PLCB4: variants seen among roughly 807,000 people sequenced by gnomAD.
PLCB4 encodes the protein 1-phosphatidylinositol 4,5-bisphosphate phosphodiesterase beta-4.
PLCB4 carries 77 observed loss-of-function variants against 178.8 expected under a neutral mutation model. That is an observed-to-expected ratio of 0.43 (90% CI 0.36 to 0.52). PLCB4 has a LOEUF of 0.52. Ranked by LOEUF, PLCB4 falls within the 20% of genes least tolerant of loss-of-function variation. The probability of loss-of-function intolerance (pLI) is 0.00; values close to 1 mark genes in which losing one functional copy is unlikely to be tolerated. For synonymous variants in PLCB4, 496 were observed against 490.8 expected (o/e 1.01, Z -0.14); for missense variants, 1,024 against 1,453.4 (o/e 0.70, Z 4.80).
chr20:9,425,055 A>G (rs2040903975), intron 28 of PLCB4, among the ~76,000 whole-genome samples: 1 of 152,114 alleles, frequency 6.6e-6, no homozygotes, highest in Non-Finnish European at 1.5e-5. Context: ...CTTTCATAAA[A>G]AAAAAAAAGG....
intron 30 of PLCB4, among the ~76,000 whole-genome samples, chr20:9,441,694 C>A (rs2042113577): frequency 6.6e-6 from 1 of 152,192 alleles, no homozygotes; most frequent in South Asian, 2.1e-4. Flanking sequence ...TGACTCCTGT[C>A]AGCCTTTTCT....
chr20:9,150,180 T>A (rs1455942211), intron 2 of PLCB4, among the ~76,000 whole-genome samples: 1 of 152,206 alleles, frequency 6.6e-6, no homozygotes, highest in Non-Finnish European at 1.5e-5. Context: ...AATACAGTGA[T>A]TAAACCATAA....
chr20:9,092,404 C>G (rs2090723735), intron 1 of PLCB4, among the ~76,000 whole-genome samples: 1 of 151,896 alleles, frequency 6.6e-6, no homozygotes, highest in Admixed American at 6.6e-5. Flanking sequence ...TGTTGGTGAG[C>G]CTGTTGGGTG....
chr20:9,083,678 G>A (rs116682454), intron 1 of PLCB4, among the ~76,000 whole-genome samples: 3,948 of 152,130 alleles, frequency 0.026, 165 homozygotes, highest in African/African-American at 0.089. Context: ...ACTTACTGAG[G>A]GTCACATGGT....
At chr20:9,298,511 A>G (rs1241266545) in intron 3 of PLCB4, among the ~76,000 whole-genome samples, 1 of 152,112 alleles carries the variant, frequency 6.6e-6, no homozygotes, top group Admixed American at 6.6e-5. Flanking sequence ...CCAGGCAACT[A>G]AGCATATTTT....
At chr20:9,158,091 G>A (rs1474165015) in intron 2 of PLCB4, among the ~76,000 whole-genome samples, 2 of 152,172 alleles carry the variant, frequency 1.3e-5, no homozygotes, top group Non-Finnish European at 2.9e-5. Flanking sequence ...AGGATTCTAA[G>A]TAATTTGCCC....
rs2094334628 is a variant in PLCB4 at position 9,264,977 on chromosome 20, A to G, written c.-15-42823A>G. Among the ~76,000 whole-genome samples, 6 of 152,198 alleles carry G rather than the reference A, an allele frequency of 3.9e-5. No individual in the cohort carries two copies. The South Asian group carries it at 1.2e-3, about 32-fold the overall frequency. ...TTTTCCCAGATGCCATCCCAAGACA[A>G]CAAATTCATTAGTTTTGGGGCAACT... On this transcript the variant is annotated intron_variant, in intron 3 of 39. Coordinates refer to ENST00000378473, the MANE Select transcript of PLCB4 (RefSeq NM_001377142.1).
chr20:9,138,707 A>G (rs77973263), intron 2 of PLCB4, among the ~76,000 whole-genome samples: 4,173 of 152,210 alleles, frequency 0.027, 186 homozygotes, highest in African/African-American at 0.094. Context: ...GTTTAGCAGA[A>G]CATATCTGGA....
chr20:9,478,930 A>G lies in PLCB4; in HGVS notation c.3542A>G (p.Asp1181Gly). ...HAVSQTQGEG[D>G]AADGEIGSRD... ...GTTTCTGATGTTATAGGCGAAGGAG[A>G]TGCAGCAGATGGTGAAATTGGAAGC... Residue 1181 changes from aspartate to glycine, a missense_variant, in exon 40 of 40, where the codon GAT becomes GGT. Asp to Gly is a moderately conservative substitution (Grantham distance 94). Transcript: ENST00000378473. 2 of 1,613,158 alleles carry G rather than the reference A, an allele frequency of 1.2e-6. No individual in the cohort carries two copies. Among genetic ancestry groups the G allele is most frequent in the Non-Finnish European group, 1.7e-6 (2 of 1,179,220 alleles).
intron 2 of PLCB4, among the ~76,000 whole-genome samples, chr20:9,200,184 A>G (rs2093525169): frequency 6.6e-6 from 1 of 151,618 alleles, no homozygotes; most frequent in African/African-American, 2.4e-5. Context: ...TAGCTTCTTA[A>G]AGATTCATGT....
chr20:9,146,203 G>A (rs1457483229), intron 2 of PLCB4, among the ~76,000 whole-genome samples: 6 of 152,042 alleles, frequency 3.9e-5, no homozygotes, highest in East Asian at 1.9e-4. Flanking sequence ...GAATTGTTTC[G>A]GTGGGGGTGC....
chr20:9,175,709 A>G (rs528687417), intron 2 of PLCB4, among the ~76,000 whole-genome samples: 3 of 151,612 alleles, frequency 2.0e-5, no homozygotes, highest in Non-Finnish European at 4.4e-5. Flanking sequence ...AAAAAACTCT[A>G]CTCCCTCCCC....
At chr20:9,192,607 C>A (rs188037857) in intron 2 of PLCB4, among the ~76,000 whole-genome samples, 352 of 145,802 alleles carry the variant, frequency 2.4e-3, no homozygotes, top group African/African-American at 8.7e-3. Flanking sequence ...TTCACTGTAG[C>A]CTCGTCCTCC....
At position 9,459,730 on chromosome 20, in the gene PLCB4, C is replaced by T. The variant is rs1013832082; in HGVS notation, c.3168C>T (p.Ser1056=). 1.9e-6 allele frequency: 3 copies of T among 1,611,364 alleles called. No homozygotes were observed. Among genetic ancestry groups the T allele is most frequent in the Non-Finnish European group, 2.5e-6 (3 of 1,177,666 alleles). The stretch of plus-strand genomic sequence containing the variant: ...AAGAAATCCGAGACCTGCACCTCAG[C>T]CAGCAGTGTGAGCTGCTGAAAAAGC... ...EEQEIRDLHL[S]QQCELLKKLL... The change falls in exon 35 of 40, where the codon AGC becomes AGT. Residue 1056 remains serine (S), a synonymous_variant. Coordinates refer to ENST00000378473, the MANE Select transcript of PLCB4 (RefSeq NM_001377142.1).
intron 2 of PLCB4, among the ~76,000 whole-genome samples, chr20:9,138,441 G>C (rs926409192): frequency 3.9e-5 from 6 of 152,186 alleles, no homozygotes; most frequent in African/African-American, 1.4e-4. Context: ...TATAGCACAT[G>C]TTTTAAATAC....
At chr20:9,213,042 C>T (rs572697162) in intron 2 of PLCB4, among the ~76,000 whole-genome samples, 6 of 146,540 alleles carry the variant, frequency 4.1e-5, no homozygotes, top group African/African-American at 1.5e-4. Context: ...CTTTCTGTTT[C>T]TGTGGATTTG....
intron 1 of PLCB4, among the ~76,000 whole-genome samples, chr20:9,074,966 G>A (rs1010238307): frequency 3.9e-5 from 6 of 152,040 alleles, no homozygotes; most frequent in Admixed American, 1.3e-4. Flanking sequence ...TTCTCGGAGA[G>A]TACTCAACTT....
Position 9,265,686 on chromosome 20 carries a change from T to C in PLCB4, c.-15-42114T>C, listed in dbSNP as rs114879641. On this transcript the variant is annotated intron_variant, in intron 3 of 39. Coordinates refer to ENST00000378473, the MANE Select transcript of PLCB4 (RefSeq NM_001377142.1). ...AACTCCAAAAAGAGGGCTTGGAGAA[T>C]ATTAATCTCAGGTCCTCTGAAGCTG... 3.3e-3 allele frequency among the ~76,000 whole-genome samples: 508 copies of C among 152,290 alleles called. 6 individuals carry two copies. Among genetic ancestry groups the C allele is most frequent in the African/African-American group, 0.012 (479 of 41,574 alleles).
At chr20:9,410,209 A>G (rs1257653979) in intron 24 of PLCB4, among the ~76,000 whole-genome samples, 1 of 152,106 alleles carries the variant, frequency 6.6e-6, no homozygotes, top group African/African-American at 2.4e-5. Flanking sequence ...CTCCTACTGG[A>G]GTCACCATTC....
Sources: allele counts gnomAD v4.1 joint callset (sites outside exome capture counted in the v4.1 genomes callset), GRCh38; gene constraint gnomAD v4.1.1; transcripts MANE v1.5; gene names NCBI Gene and HGNC (gene_info 2026-07-23, HGNC 2026-07-21).